SRRM3: variants seen among roughly 807,000 people sequenced by gnomAD.
SRRM3 encodes serine/arginine repetitive matrix 3, also known as serine/arginine repetitive matrix protein 3.
Under a neutral mutation model 66.2 loss-of-function variants are expected in SRRM3, and 27 were observed. The observed-to-expected ratio is 0.41, with a 90% CI of 0.30 to 0.56. SRRM3 has a LOEUF of 0.56. Ranked by LOEUF, SRRM3 falls within the 20% of genes least tolerant of loss-of-function variation. The probability of loss-of-function intolerance (pLI) is 0.32; values close to 1 mark genes in which losing one functional copy is unlikely to be tolerated. For synonymous variants in SRRM3, 391 were observed against 414.9 expected, an observed-to-expected ratio of 0.94 and a Z score of 0.70; for missense variants, 918 against 991.9, an observed-to-expected ratio of 0.93 and a Z score of 1.00.
In SRRM3 at chr7:76,211,441, G is replaced by A. The variant is rs576074542; in HGVS notation, c.-40+9374G>A. Among the ~76,000 whole-genome samples, 12 of 152,242 alleles carry A rather than the reference G, an allele frequency of 7.9e-5. 1 individual carries two copies. The South Asian group carries it at 2.1e-3, about 26-fold the overall frequency. ...GGGGCGGGGGGGGAATTATTGCCAG[G>A]TGAGGCAGCCTAGCCTTTTTTCCGT... is the stretch of plus-strand genomic sequence containing the variant. On this transcript the variant is annotated intron_variant, in intron 1 of 14. Transcript: ENST00000611745.
intron 1 of SRRM3, among the ~76,000 whole-genome samples, chr7:76,209,972 C>T (rs1317864448): frequency 2.0e-5 from 3 of 152,218 alleles, no homozygotes; most frequent in African/African-American, 7.2e-5. Context: ...ATCAAATGCT[C>T]AGGTTTGCAC....
chr7:76,261,437 G>A (rs781969593), intron 7 of SRRM3, 23 bp downstream of exon 7: 2 of 1,603,274 alleles, frequency 1.2e-6, no homozygotes, highest in South Asian at 1.1e-5. Flanking sequence ...CCCCCACCCT[G>A]GGGCCTCCTC....
rs57542975 is a variant in SRRM3, at chr7:76,270,275, G to T, written c.1008+2840G>T. Among the ~76,000 whole-genome samples the T allele has an allele frequency of 4.4e-3, 666 of 152,322 alleles. 4 individuals carry two copies. The highest frequency in any genetic ancestry group is 0.015 in the African/African-American group (631 of 41,560). ...ACAGGGAGCAGGACAGGCTGTTCAGGACCATCAGTGTCAGACCTCAGACTC... is the reference window on the plus strand; with the variant it reads ...ACAGGGAGCAGGACAGGCTGTTCAGTACCATCAGTGTCAGACCTCAGACTC... On this transcript the variant is annotated intron_variant, in intron 11 of 14. Transcript: ENST00000611745.
Position 76,283,010 on chromosome 7 carries a change from A to C in SRRM3, c.1642A>C (p.Thr548Pro). 4.8e-6 allele frequency: 7 copies of C among 1,468,542 alleles called. No individual in the cohort carries two copies. The highest frequency in any genetic ancestry group is 6.3e-6 in the Non-Finnish European group (7 of 1,117,356). The allele number at this position is 1,468,542 out of a possible 1,614,324, so 91.0% of individuals were successfully genotyped here. The change falls in exon 14 of 15, where the codon ACC becomes CCC. Residue 548 changes from threonine (T) to proline (P), a missense_variant. Coordinates refer to ENST00000611745, the MANE Select transcript of SRRM3 (RefSeq NM_001110199.3). ...GRARHSEAEATRARRRSRSYS... is the reference protein window; with the variant it reads ...GRARHSEAEAPRARRRSRSYS... ...CGCAAGGCACTCTGAGGCCGAGGCC[A>C]CCCGCGCCCGGCGCCGCTCCCGCAG...
chr7:76,233,942 C>T (rs1801076358), intron 1 of SRRM3, among the ~76,000 whole-genome samples: 1 of 152,160 alleles, frequency 6.6e-6, no homozygotes, highest in Non-Finnish European at 1.5e-5. Flanking sequence ...CACTCCCACC[C>T]CCATCCCATC....
intron 5 of SRRM3, 85 bp downstream of exon 5, chr7:76,260,282 A>G: frequency 1.0e-6 from 1 of 995,892 alleles, no homozygotes; most frequent in Non-Finnish European, 1.4e-6. Flanking sequence ...ACAACCATGC[A>G]GCATTTGTGA....
At chr7:76,284,041 CAG>C (rs1419900846) in intron 14 of SRRM3, among the ~76,000 whole-genome samples, 68 of 152,302 alleles carry the variant, frequency 4.5e-4, no homozygotes, top group African/African-American at 1.6e-3. Context: ...TCAGTTCTAA[CAG>C]GGTATGATTA....
intron 1 of SRRM3, among the ~76,000 whole-genome samples, chr7:76,208,200 T>C (rs2116928388): frequency 6.6e-6 from 1 of 152,250 alleles, no homozygotes. Context: ...GGTGAGGGCT[T>C]GGATCCAACA....
intron 1 of SRRM3, among the ~76,000 whole-genome samples, chr7:76,202,937 A>G (rs1177823676): frequency 6.6e-6 from 1 of 152,084 alleles, no homozygotes; most frequent in African/African-American, 2.4e-5. Flanking sequence ...TGGTACTTCA[A>G]TGCCTGTGCC....
Position 76,265,961 on chromosome 7 carries a change from C to T in SRRM3, c.830+493C>T, listed in dbSNP as rs868917853. On this transcript the variant is annotated intron_variant, in intron 10 of 14. Transcript: ENST00000611745. ...TCGGCTCACTGCAAGCTCCGCCTCCCGGGTTCACGCTATTCTCCTGCCTCA... is the reference window on the plus strand; with the variant it reads ...TCGGCTCACTGCAAGCTCCGCCTCCTGGGTTCACGCTATTCTCCTGCCTCA... 1.5e-4 allele frequency among the ~76,000 whole-genome samples: 10 copies of T among 67,992 alleles called. 2 individuals are homozygous for T. In the South Asian group the frequency reaches 2.4e-3, roughly 16 times the overall value. The allele number at this position is 67,992 out of a possible 152,430, so 44.6% of individuals were successfully genotyped here.
intron 11 of SRRM3, among the ~76,000 whole-genome samples, chr7:76,275,105 CAA>C (rs199917871): frequency 2.1e-4 from 18 of 85,574 alleles, no homozygotes; most frequent in Admixed American, 2.5e-4. Flanking sequence ...GACTCAGTCT[CAA>C]AAAAAAAAAA....
At chr7:76,283,473 C>G (rs1802584437) in intron 14 of SRRM3, 1 of 463,900 alleles carries the variant, frequency 2.2e-6, no homozygotes, top group Non-Finnish European at 4.2e-6. Flanking sequence ...CTCCCGCCCT[C>G]CCTGCATCCG....
At chr7:76,260,778 A>G (rs1801843770) in intron 5 of SRRM3, 96 bp from the exon 6 acceptor site, 2 of 1,223,842 alleles carry the variant, frequency 1.6e-6, no homozygotes, top group African/African-American at 1.5e-5. Flanking sequence ...CTCTCTGTCC[A>G]CCCTCCCCTG....
chr7:76,243,477 GCC>G (rs1246927406), intron 2 of SRRM3, among the ~76,000 whole-genome samples: 1 of 152,142 alleles, frequency 6.6e-6, no homozygotes, highest in African/African-American at 2.4e-5. Context: ...CAATCCAGCA[GCC>G]CATCCTCAAC....
chr7:76,267,089 C>A (rs975947476), intron 10 of SRRM3, among the ~76,000 whole-genome samples, 169 bp from the exon 11 acceptor site: 25 of 152,312 alleles, frequency 1.6e-4, no homozygotes, highest in African/African-American at 5.8e-4. Flanking sequence ...CTCGCTGGCT[C>A]ACCCTGGTCA....
intron 14 of SRRM3, 90 bp downstream of exon 14, chr7:76,283,191 GAGGATCCACTGAACCTGGCACGGGGAT>G: frequency 7.8e-7 from 1 of 1,282,054 alleles, no homozygotes; most frequent in Non-Finnish European, 9.9e-7. Context: ...GACCTTCTCT[GAGGATCCACTGAACCTGGCACGGGGAT>G]GGGGGGGGGT....
intron 1 of SRRM3, among the ~76,000 whole-genome samples, chr7:76,215,960 G>C (rs1300527828): frequency 6.7e-6 from 1 of 148,786 alleles, no homozygotes; most frequent in Non-Finnish European, 1.5e-5. Context: ...ACCACGCCCA[G>C]CTAATTTTTT....
At chr7:76,237,590 C>A (rs1554605108) in intron 2 of SRRM3, among the ~76,000 whole-genome samples, 1 of 152,024 alleles carries the variant, frequency 6.6e-6, no homozygotes, top group Admixed American at 6.6e-5. Context: ...AAAACAAAAA[C>A]AAACACACAA....
At chr7:76,284,175 T>C (rs1028013288) in intron 14 of SRRM3, among the ~76,000 whole-genome samples, 29 of 149,930 alleles carry the variant, frequency 1.9e-4, no homozygotes, top group South Asian at 8.4e-4. Context: ...ACTGCTTCTT[T>C]TTTTTTTTTT....
Sources: gnomAD v4.1 joint callset for allele counts (sites outside exome capture counted in the v4.1 genomes callset) on GRCh38, gnomAD v4.1.1 for gene constraint, MANE v1.5 for transcripts, NCBI Gene and HGNC (gene_info 2026-07-23, HGNC 2026-07-21) for gene names.